Variants in HDAC9 observed in about 807,000 individuals in gnomAD.
The protein encoded by HDAC9 is MEF-2 interacting transcription repressor (MITR) protein.
HDAC9 carries 41 observed loss-of-function variants against 139.4 expected under a neutral mutation model. The observed-to-expected ratio is 0.29, with a 90% CI of 0.23 to 0.38. The LOEUF (loss-of-function observed/expected upper bound fraction) is 0.38. HDAC9 is among the 10% of genes least tolerant of loss of function. The pLI is 1.00. For missense variants in HDAC9, 1,147 were observed against 1,297.0 expected, an observed-to-expected ratio of 0.88 and a Z score of 1.78; for synonymous variants, 517 against 476.2, an observed-to-expected ratio of 1.09 and a Z score of -1.12.
intron 22 of HDAC9, chr7:18,892,314 G>T (rs1800755663): frequency 6.6e-6 from 1 of 152,112 alleles, no homozygotes; most frequent in Admixed American, 6.6e-5. Context: ...TAAGCACATT[G>T]CATTTACTAC....
At chr7:18,129,442 G>T (rs1037151626) in intron 1 of HDAC9, among the ~76,000 whole-genome samples, 1 of 152,050 alleles carries the variant, frequency 6.6e-6, no homozygotes, top group African/African-American at 2.4e-5. Flanking sequence ...CCTATAAAAT[G>T]AGTCAGCATT....
intron 14 of HDAC9, among the ~76,000 whole-genome samples, chr7:18,761,769 A>G (rs973715446): frequency 1.3e-5 from 2 of 152,234 alleles, no homozygotes; most frequent in Non-Finnish European, 2.9e-5. Context: ...AGGAATAAAG[A>G]GTGTGTTCTA....
At chr7:18,365,302 C>T (rs550591221) in intron 1 of HDAC9, among the ~76,000 whole-genome samples, 1 of 152,014 alleles carries the variant, frequency 6.6e-6, no homozygotes, top group African/African-American at 2.4e-5. Flanking sequence ...GTCGGAGCTG[C>T]ATGGAATATT....
At chr7:18,719,497 G>A (rs1294832517) in intron 12 of HDAC9, among the ~76,000 whole-genome samples, 4 of 151,634 alleles carry the variant, frequency 2.6e-5, no homozygotes, top group Admixed American at 6.6e-5. Flanking sequence ...ACACCACCAC[G>A]CCCAGCTAAT....
At chr7:18,257,369 ACTCTCT>A (rs146860772) in intron 2 of HDAC9, among the ~76,000 whole-genome samples, 21 of 110,312 alleles carry the variant, frequency 1.9e-4, no homozygotes, top group African/African-American at 2.8e-4. Context: ...TGTCTCTCTG[ACTCTCT>A]CTCTCTCTCT....
intron 1 of HDAC9, among the ~76,000 whole-genome samples, chr7:18,419,346 A>G (rs2128750952): frequency 6.6e-6 from 1 of 152,354 alleles, no homozygotes; most frequent in Admixed American, 6.5e-5. Context: ...AGCCACAATT[A>G]TTATTCTTTT....
At chr7:18,949,550 G>A in intron 23 of HDAC9, 1 of 212,378 alleles carries the variant, frequency 4.7e-6, no homozygotes, top group South Asian at 8.4e-5. Context: ...ACTTTTATTT[G>A]GACTGCGTTT....
chr7:18,897,825 A>G lies in HDAC9; in HGVS notation c.2803+23229A>G, dbSNP rs866892290. On this transcript the variant is annotated intron_variant, in intron 22 of 25. Coordinates refer to ENST00000686413, the MANE Select transcript of HDAC9 (RefSeq NM_178425.4). ...TTTAAAATATGGTTACTTAAAAAAAAAAAAAAAAATCCCTCCATTTCAGCT... is the reference window on the plus strand; with the variant it reads ...TTTAAAATATGGTTACTTAAAAAAAGAAAAAAAAATCCCTCCATTTCAGCT... Among the ~76,000 whole-genome samples, 863 of 151,738 alleles carry G rather than the reference A, an allele frequency of 5.7e-3. 8 individuals are homozygous for G. The highest frequency in any genetic ancestry group is 0.02 in the African/African-American group (831 of 41,438).
At chr7:18,592,740 A>G (rs1384458761) in intron 5 of HDAC9, among the ~76,000 whole-genome samples, 2 of 152,170 alleles carry the variant, frequency 1.3e-5, no homozygotes, top group East Asian at 1.9e-4. Context: ...TCTGTCATGT[A>G]TATCAGTTGA....
intron 1 of HDAC9, among the ~76,000 whole-genome samples, chr7:18,371,822 TC>T (rs998165981): frequency 6.6e-6 from 1 of 152,180 alleles, no homozygotes; most frequent in African/African-American, 2.4e-5. Context: ...ATGGTTCAAT[TC>T]CCCAGGTTAA....
intron 23 of HDAC9, among the ~76,000 whole-genome samples, chr7:18,946,036 C>CAAAATAAAAAAAAAAAAAAAAAAAA (rs1563077235): frequency 1.0e-4 from 4 of 38,276 alleles, no homozygotes; most frequent in Non-Finnish European, 1.5e-4. Flanking sequence ...GACTCCGTCT[C>CAAAATAAAAAAAAAAAAAAAAAAAA]AAAAAAAAAA....
intron 12 of HDAC9, among the ~76,000 whole-genome samples, chr7:18,714,328 C>T (rs1784552270): frequency 6.6e-6 from 1 of 152,184 alleles, no homozygotes; most frequent in Non-Finnish European, 1.5e-5. Context: ...CTTATCAACC[C>T]TGTTAAACTA....
At chr7:18,605,914 T>C (rs537588463) in intron 6 of HDAC9, among the ~76,000 whole-genome samples, 1 of 152,228 alleles carries the variant, frequency 6.6e-6, no homozygotes, top group Admixed American at 6.5e-5. Context: ...TCTCCTGACC[T>C]TGTGATCTGC....
chr7:18,387,400 A>G (rs1330835440), intron 1 of HDAC9, among the ~76,000 whole-genome samples: 1 of 152,238 alleles, frequency 6.6e-6, no homozygotes, highest in Non-Finnish European at 1.5e-5. Flanking sequence ...TTTTGCTATT[A>G]TAGAATCTGA....
chr7:18,255,626 C>CTTTT (rs11386457), intron 2 of HDAC9, among the ~76,000 whole-genome samples: 46 of 113,602 alleles, frequency 4.0e-4, no homozygotes, highest in African/African-American at 4.7e-4. Flanking sequence ...TTTTTCTTTC[C>CTTTT]TTTTTTTTTT....
chr7:18,838,086 C>A lies in HDAC9; in HGVS notation c.2684+2089C>A, dbSNP rs559099798. On this transcript the variant is annotated intron_variant, in intron 21 of 25. Transcript: ENST00000686413. ...AGACTCCTGCCATTTTGAACTATGG[C>A]CTGTCTGCTATTCATCATTTATGAC... is the stretch of plus-strand genomic sequence containing the variant. Among the ~76,000 whole-genome samples the A allele has an allele frequency of 2.0e-3, 299 of 152,086 alleles. 1 individual carries two copies. Among genetic ancestry groups the A allele is most frequent in the African/African-American group, 6.5e-3 (269 of 41,496 alleles).
chr7:18,670,136 T>C (rs1174565506), intron 12 of HDAC9, among the ~76,000 whole-genome samples: 1 of 151,982 alleles, frequency 6.6e-6, no homozygotes, highest in Non-Finnish European at 1.5e-5. Flanking sequence ...ATTGTAGGTG[T>C]GTGATTGAAG....
At chr7:18,727,801 C>T (rs1785677965) in intron 13 of HDAC9, 44 bp downstream of exon 13, 1 of 1,361,108 alleles carries the variant, frequency 7.3e-7, no homozygotes. Context: ...GGCTAAATGC[C>T]CCGTTCTTGT....
chr7:18,200,069 C>T (rs1376203394), intron 2 of HDAC9, among the ~76,000 whole-genome samples: 2 of 152,134 alleles, frequency 1.3e-5, no homozygotes, highest in African/African-American at 4.8e-5. Context: ...TAGTAATTTT[C>T]CATTTGTAAC....
Sources: gnomAD v4.1 joint callset for allele counts (sites outside exome capture counted in the v4.1 genomes callset) on GRCh38, gnomAD v4.1.1 for gene constraint, MANE v1.5 for transcripts, NCBI Gene and HGNC (gene_info 2026-07-23, HGNC 2026-07-21) for gene names.